Variants in ATF7 observed in about 807,000 individuals in gnomAD.
ATF7 encodes the protein cyclic AMP-dependent transcription factor ATF-7.
A neutral mutation model predicts 50.4 loss-of-function variants in ATF7; 10 were observed. The ratio of observed to expected loss-of-function variants is 0.20; its 90% confidence interval spans 0.12 to 0.34. ATF7 has a LOEUF of 0.34. Among genes scored for constraint, ATF7 ranks in the 10% least tolerant of loss-of-function variants. The probability of loss-of-function intolerance (pLI) is 1.00; values close to 1 mark genes in which losing one functional copy is unlikely to be tolerated. For synonymous variants in ATF7, 201 were observed against 226.4 expected, an observed-to-expected ratio of 0.89 and a Z score of 1.01; for missense variants, 465 against 613.9, an observed-to-expected ratio of 0.76 and a Z score of 2.56.
chr12:53,515,871 T>G lies in ATF7; in HGVS notation c.*1266A>C, dbSNP rs1937672404. 1 of 152,352 alleles carries G rather than the reference T, an allele frequency of 6.6e-6. No homozygotes were observed. Among genetic ancestry groups the G allele is most frequent in the Non-Finnish European group, 1.5e-5 (1 of 68,172 alleles). 9.4% of individuals were successfully genotyped at this position (152,352 alleles called of 1,614,324 possible). ...GAAACTCTGGAGGACCTGGAAGACC[T>G]AGTGGCTAAGCTAGGAACCTGGTGA... is the stretch of plus-strand genomic sequence containing the variant. On this transcript the variant is annotated 3_prime_UTR_variant, in exon 12 of 12. Transcript: ENST00000420353.
At chr12:53,525,860 C>A (rs950270613) in intron 9 of ATF7, among the ~76,000 whole-genome samples, 6 of 152,108 alleles carry the variant, frequency 3.9e-5, no homozygotes, top group African/African-American at 1.4e-4. Context: ...AAAAGTTCAG[C>A]CTTGAACACA....
chr12:53,622,230 A>T (rs1484837957), intron 1 of ATF7, among the ~76,000 whole-genome samples: 1 of 151,990 alleles, frequency 6.6e-6, no homozygotes, highest in Non-Finnish European at 1.5e-5. Flanking sequence ...TGAAACCGGA[A>T]GTTGGAGGTT....
In ATF7 at chr12:53,537,521, G is replaced by A. The variant is rs748388475; in HGVS notation, c.296C>T (p.Pro99Leu). 6.2e-7 allele frequency: 1 copy of A among 1,613,590 alleles called. No individual in the cohort carries two copies. Among genetic ancestry groups the A allele is most frequent in the South Asian group, 1.1e-5 (1 of 91,064 alleles). The stretch of plus-strand genomic sequence containing the variant: ...TTTGATTTTGATGTCTGGTGTGGAA[G>A]GCAGAGACATGTCAAGGGGCCCAGC... ...AAAGPLDMSL[P>L]STPDIKIKEE... Residue 99 changes from proline to leucine, a missense_variant, in exon 5 of 12, where the codon CCT becomes CTT. Pro to Leu is a moderately conservative substitution (Grantham distance 98, BLOSUM62 -3). Coordinates refer to ENST00000420353, the MANE Select transcript of ATF7 (RefSeq NM_006856.3).
intron 2 of ATF7, among the ~76,000 whole-genome samples, chr12:53,592,125 C>T (rs1405252002): frequency 6.6e-6 from 1 of 152,232 alleles, no homozygotes; most frequent in African/African-American, 2.4e-5. Flanking sequence ...GCAGAATCAG[C>T]AGTCACACAG....
intron 4 of ATF7, among the ~76,000 whole-genome samples, chr12:53,541,478 G>T (rs1939548313): frequency 6.6e-6 from 1 of 151,998 alleles, no homozygotes; most frequent in South Asian, 2.1e-4. Context: ...TTTCCCCCAA[G>T]CCCCTTATTC....
intron 2 of ATF7, among the ~76,000 whole-genome samples, chr12:53,567,829 T>C (rs1209972221): frequency 6.6e-6 from 1 of 152,234 alleles, no homozygotes; most frequent in Non-Finnish European, 1.5e-5. Context: ...AAAAGGTTAT[T>C]TTAAAATCAA....
At chr12:53,559,217 CTTTT>C (rs1940935499) in intron 2 of ATF7, among the ~76,000 whole-genome samples, 1 of 145,528 alleles carries the variant, frequency 6.9e-6, no homozygotes, top group Non-Finnish European at 1.5e-5. Flanking sequence ...GATTTTTTTA[CTTTT>C]TTCTTTTTCT....
intron 2 of ATF7, among the ~76,000 whole-genome samples, chr12:53,564,921 G>A (rs1351966): frequency 0.43 from 64,881 of 151,754 alleles, 14,250 homozygotes; most frequent in East Asian, 0.73. Context: ...TATTGTTGGC[G>A]TTAGTATATT....
intron 1 of ATF7, among the ~76,000 whole-genome samples, chr12:53,609,281 A>G (rs555294147): frequency 6.6e-6 from 1 of 151,834 alleles, no homozygotes; most frequent in East Asian, 1.9e-4. Context: ...CAGCCTCCCA[A>G]GTAGCTGGGA....
intron 2 of ATF7, among the ~76,000 whole-genome samples, chr12:53,570,718 A>G (rs1236545536): frequency 6.8e-6 from 1 of 146,506 alleles, no homozygotes; most frequent in African/African-American, 2.5e-5. Context: ...CAACCTTCAC[A>G]TAGTGTTCTC....
chr12:53,590,970 C>T (rs561633158), intron 2 of ATF7, among the ~76,000 whole-genome samples: 6 of 152,132 alleles, frequency 3.9e-5, no homozygotes, highest in East Asian at 3.9e-4. Flanking sequence ...TATACATTTG[C>T]GAAACCCCAC....
rs1937685070 is a variant in ATF7 at position 53,516,106 on chromosome 12, A to C, written c.*1031T>G. 6.6e-6 allele frequency: 1 copy of C among 152,260 alleles called. No individual in the cohort carries two copies. 9.4% of individuals were successfully genotyped at this position (152,260 alleles called of 1,614,324 possible). On this transcript the variant is annotated 3_prime_UTR_variant, in exon 12 of 12. Coordinates refer to ENST00000420353, the MANE Select transcript of ATF7 (RefSeq NM_006856.3). ...TGTTGATAGGGGAATGAAGAGAGAGAAGCAGGAGCAGAAAAATGACCAAAG... is the reference window on the plus strand; with the variant it reads ...TGTTGATAGGGGAATGAAGAGAGAGCAGCAGGAGCAGAAAAATGACCAAAG...
intron 4 of ATF7, among the ~76,000 whole-genome samples, chr12:53,542,540 C>T (rs1212218611): frequency 6.6e-6 from 1 of 152,150 alleles, no homozygotes; most frequent in Non-Finnish European, 1.5e-5. Context: ...AATCTTCCTG[C>T]TTCAGCCTCC....
chr12:53,576,391 T>C (rs1351426452), intron 2 of ATF7, among the ~76,000 whole-genome samples: 1 of 152,212 alleles, frequency 6.6e-6, no homozygotes, highest in East Asian at 1.9e-4. Context: ...AAAATTCATG[T>C]TGAAACCTAA....
intron 3 of ATF7, among the ~76,000 whole-genome samples, chr12:53,546,751 CTTTTTCTTTTT>C (rs1401931315): frequency 6.0e-5 from 9 of 149,644 alleles, no homozygotes; most frequent in Admixed American, 3.3e-4. Context: ...CACCTGGCCT[CTTTTTCTTTTT>C]TTTTTCTTTT....
At chr12:53,612,484 G>A (rs1375235191) in intron 1 of ATF7, among the ~76,000 whole-genome samples, 2 of 151,986 alleles carry the variant, frequency 1.3e-5, no homozygotes, top group African/African-American at 2.4e-5. Flanking sequence ...ACATTGGCCA[G>A]AATGGTCTCA....
chr12:53,526,935 G>A (rs888325969), intron 9 of ATF7, among the ~76,000 whole-genome samples: 1 of 151,732 alleles, frequency 6.6e-6, no homozygotes, highest in East Asian at 1.9e-4. Flanking sequence ...AAGGCGGGTG[G>A]ATCACCTGAG....
intron 2 of ATF7, among the ~76,000 whole-genome samples, chr12:53,578,480 C>A (rs896612735): frequency 2.6e-5 from 4 of 151,166 alleles, no homozygotes; most frequent in Non-Finnish European, 4.4e-5. Context: ...AAAAGAAGTT[C>A]TTTAGAGAGA....
At chr12:53,560,803 C>T (rs1160565661) in intron 2 of ATF7, among the ~76,000 whole-genome samples, 1 of 152,118 alleles carries the variant, frequency 6.6e-6, no homozygotes, top group Non-Finnish European at 1.5e-5. Context: ...ACTGAGTTTA[C>T]ATTTGTGATA....
Sources: allele counts gnomAD v4.1 joint callset (sites outside exome capture counted in the v4.1 genomes callset), GRCh38; gene constraint gnomAD v4.1.1; transcripts MANE v1.5; gene names NCBI Gene and HGNC (gene_info 2026-07-23, HGNC 2026-07-21).